Variants in FHIT observed in about 807,000 individuals in gnomAD.
FHIT encodes fragile histidine triad diadenosine triphosphatase.
FHIT carries 19 observed loss-of-function variants against 17.9 expected under a neutral mutation model. The ratio of observed to expected loss-of-function variants is 1.06; its 90% CI spans 0.74 to 1.56. The LOEUF is 1.56. Among genes scored for constraint, FHIT ranks in the 40% most tolerant of loss-of-function variants. The probability of loss-of-function intolerance (pLI) is 0.00; values close to 1 mark genes in which losing one functional copy is unlikely to be tolerated. For synonymous variants in FHIT, 81 were observed against 69.7 expected (o/e 1.16, Z -0.81); for missense variants, 248 against 189.2 (o/e 1.31, Z -1.82).
chr3:61,154,714 T>A (rs2037486723), intron 2 of FHIT, among the ~76,000 whole-genome samples: 1 of 152,156 alleles, frequency 6.6e-6, no homozygotes. Flanking sequence ...AAAATCAAAA[T>A]AATTACATTA....
intron 2 of FHIT, among the ~76,000 whole-genome samples, chr3:61,163,685 A>G (rs2037758655): frequency 6.6e-6 from 1 of 152,156 alleles, no homozygotes; most frequent in African/African-American, 2.4e-5. Flanking sequence ...ATCTGAATAA[A>G]GAAGGCTTGC....
In FHIT at chr3:59,843,551, GAT is replaced by G. The variant is rs559256993; in HGVS notation, c.348+78793_348+78794del. On this transcript the variant is annotated intron_variant, in intron 8 of 9. Coordinates refer to ENST00000492590, the MANE Select transcript of FHIT (RefSeq NM_002012.4). ...TAAATCTTCTAATCCATAAACATAA[GAT>G]GTGTTTTCATTGATTGATACCTTCT... 3.3e-4 allele frequency among the ~76,000 whole-genome samples: 51 copies of G among 152,242 alleles called. 2 individuals carry two copies. In the East Asian group the frequency reaches 6.6e-3, roughly 20 times the overall value.
At chr3:60,916,966 C>T (rs78598504) in intron 3 of FHIT, among the ~76,000 whole-genome samples, 6,644 of 152,054 alleles carry the variant, frequency 0.044, 510 homozygotes, top group African/African-American at 0.15. Context: ...AAACAGTGTT[C>T]AAGAATGAAT....
At chr3:59,969,359 T>C (rs1708073642) in intron 7 of FHIT, among the ~76,000 whole-genome samples, 1 of 152,134 alleles carries the variant, frequency 6.6e-6, no homozygotes, top group Admixed American at 6.6e-5. Context: ...ATTTCTTTTC[T>C]CAAAGAAAGC....
At chr3:59,860,891 T>C (rs1486636078) in intron 8 of FHIT, among the ~76,000 whole-genome samples, 1 of 152,112 alleles carries the variant, frequency 6.6e-6, no homozygotes, top group African/African-American at 2.4e-5. Context: ...CCAGTAATGA[T>C]CCATGATCCC....
intron 4 of FHIT, among the ~76,000 whole-genome samples, chr3:60,763,387 C>A (rs782702612): frequency 1.3e-5 from 2 of 152,190 alleles, no homozygotes; most frequent in Non-Finnish European, 2.9e-5. Flanking sequence ...AAACACTCAA[C>A]CACCTCCATC....
At position 60,858,042 on chromosome 3, in the gene FHIT, C is replaced by T. The variant is rs148192790; in HGVS notation, c.-110-36031G>A. On this transcript the variant is annotated intron_variant, in intron 3 of 9. Coordinates refer to ENST00000492590, the MANE Select transcript of FHIT (RefSeq NM_002012.4). The stretch of plus-strand genomic sequence containing the variant: ...TGTGGCAAAAAGTACTAGTGCTCAC[C>T]TGAGCACATGACTTCCTTATGATCA... 9.2e-5 allele frequency among the ~76,000 whole-genome samples: 14 copies of T among 152,260 alleles called. No individual in the cohort carries two copies. The East Asian group carries it at 2.5e-3, about 27-fold the overall frequency.
intron 3 of FHIT, among the ~76,000 whole-genome samples, chr3:60,847,641 A>G (rs1702977156): frequency 6.6e-6 from 1 of 152,138 alleles, no homozygotes. Context: ...TTTTACTGCC[A>G]CTTACAGTAG....
rs58097138 is a variant in FHIT at position 61,052,850 on chromosome 3, AT to A, written c.-163-10752del. Among the ~76,000 whole-genome samples, 552 of 151,292 alleles carry A rather than the reference AT, an allele frequency of 3.6e-3. 5 individuals carry two copies. The highest frequency in any genetic ancestry group is 0.013 in the African/African-American group (517 of 41,226). On this transcript the variant is annotated intron_variant, in intron 2 of 9. Transcript: ENST00000492590. ...AATTCTTTTAGATGTTAATTAATCTATTTTTTTTTAAATGAAGATGACTTTT... is the reference window on the plus strand; with the variant it reads ...AATTCTTTTAGATGTTAATTAATCTATTTTTTTTAAATGAAGATGACTTTT...
chr3:59,874,309 C>T (rs1703054404), intron 8 of FHIT, among the ~76,000 whole-genome samples: 2 of 152,130 alleles, frequency 1.3e-5, no homozygotes, highest in Admixed American at 6.5e-5. Context: ...TCACGAAATG[C>T]CAAGACACCT....
intron 5 of FHIT, among the ~76,000 whole-genome samples, chr3:60,045,004 CT>C: frequency 6.6e-6 from 1 of 151,940 alleles, no homozygotes; most frequent in Admixed American, 6.6e-5. Flanking sequence ...TCTTACGTAC[CT>C]TCTTTTGCTT....
Position 61,036,915 on chromosome 3 carries a change from TTTGTTTG to T in FHIT, c.-111+5125_-111+5131del, listed in dbSNP as rs1240543665. Among the ~76,000 whole-genome samples the T allele has an allele frequency of 1.4e-4, 14 of 99,860 alleles. 1 individual carries two copies. The East Asian group carries it at 3.4e-3, about 25-fold the overall frequency. The allele number at this position is 99,860 out of a possible 152,430, so 65.5% of individuals were successfully genotyped here. ...CAGTCTGCTTTGTTTTTTTTTTTTG[TTTGTTTG>T]TTTTTTTGAGATGGAGTCTCGCTCT... On this transcript the variant is annotated intron_variant, in intron 3 of 9. Transcript: ENST00000492590.
intron 7 of FHIT, among the ~76,000 whole-genome samples, chr3:59,966,701 T>C (rs1419615711): frequency 2.6e-5 from 4 of 152,186 alleles, no homozygotes; most frequent in Admixed American, 6.6e-5. Context: ...TATTCCTATA[T>C]AGGGCACTTA....
intron 3 of FHIT, among the ~76,000 whole-genome samples, chr3:60,902,190 C>T (rs1017318951): frequency 2.0e-5 from 3 of 152,162 alleles, no homozygotes; most frequent in Admixed American, 1.3e-4. Flanking sequence ...ATTCTCCAGC[C>T]TCTGGCAACT....
At chr3:60,725,582 G>C (rs1553709267) in intron 4 of FHIT, among the ~76,000 whole-genome samples, 1 of 152,094 alleles carries the variant, frequency 6.6e-6, no homozygotes, top group African/African-American at 2.4e-5. Context: ...TACAAATTAA[G>C]GTAACAGGTA....
At chr3:60,988,799 G>A (rs966497148) in intron 3 of FHIT, among the ~76,000 whole-genome samples, 4 of 151,996 alleles carry the variant, frequency 2.6e-5, no homozygotes, top group Non-Finnish European at 5.9e-5. Context: ...CAACTTTCTA[G>A]AGAGGAGGCT....
At chr3:59,897,025 T>C (rs148805991) in intron 8 of FHIT, among the ~76,000 whole-genome samples, 91 of 152,142 alleles carry the variant, frequency 6.0e-4, no homozygotes, top group African/African-American at 1.9e-3. Context: ...GCACATGCAG[T>C]TCCTCTTGGT....
chr3:60,326,214 A>G (rs1559822049), intron 5 of FHIT, among the ~76,000 whole-genome samples: 1 of 152,100 alleles, frequency 6.6e-6, no homozygotes, highest in Non-Finnish European at 1.5e-5. Context: ...TGTGCATTTT[A>G]TTTATATTAT....
At position 60,525,130 on chromosome 3, in the gene FHIT, C is replaced by A. The variant is rs536195822; in HGVS notation, c.103+11730G>T. The stretch of plus-strand genomic sequence containing the variant: ...AATGAGAGAAGTGACATAGATTCAA[C>A]AAGTCTTAACAGGATCACTCCGGCT... On this transcript the variant is annotated intron_variant, in intron 5 of 9. Transcript: ENST00000492590. Among the ~76,000 whole-genome samples the A allele has an allele frequency of 3.9e-5, 6 of 152,280 alleles. No individual in the cohort carries two copies. In the South Asian group the frequency reaches 1.0e-3, roughly 26 times the overall value.
Sources: allele counts gnomAD v4.1 joint callset (sites outside exome capture counted in the v4.1 genomes callset), GRCh38; gene constraint gnomAD v4.1.1; transcripts MANE v1.5; gene names NCBI Gene and HGNC (gene_info 2026-07-23, HGNC 2026-07-21).